MMP15: variants seen among roughly 807,000 people sequenced by gnomAD.
MMP15 encodes the protein matrix metalloproteinase-15.
MMP15 carries 36 observed loss-of-function variants against 65.0 expected under a neutral mutation model. The observed-to-expected ratio is 0.55, with a 90% CI of 0.42 to 0.73. The LOEUF (loss-of-function observed/expected upper bound fraction) is 0.73, where lower values mean the gene tolerates loss of function less well. MMP15 is among the 30% of genes least tolerant of loss of function. The probability of loss-of-function intolerance (pLI) is 0.00; values close to 1 mark genes in which losing one functional copy is unlikely to be tolerated. For synonymous variants in MMP15, 428 were observed against 410.2 expected (o/e 1.04, Z -0.52); for missense variants, 870 against 987.8 (o/e 0.88, Z 1.60).
chr16:58,026,812 G>C (rs1409374545), intron 1 of MMP15, among the ~76,000 whole-genome samples: 1 of 152,186 alleles, frequency 6.6e-6, no homozygotes, highest in Non-Finnish European at 1.5e-5. Flanking sequence ...CCCGGGAGCC[G>C]CTTCCGCCGC....
rs1963816072 is a variant in MMP15, at chr16:58,026,443, G to T, written c.93G>T (p.Pro31=). 6.9e-7 allele frequency: 1 copy of T among 1,452,234 alleles called. No homozygotes were observed. The allele number at this position is 1,452,234 out of a possible 1,614,324, so 90.0% of individuals were successfully genotyped here. The part of the protein sequence containing the change: ...REEAARPRLL[P]LLLVLLGCLG... ...AGGCGGCGCGGCCGCGACTGCTGCC[G>T]CTGCTCCTGGTGCTTCTGGGCTGCC... The change falls in exon 1 of 10, where the codon CCG becomes CCT. Residue 31 remains proline, a synonymous_variant. Coordinates refer to ENST00000219271, the MANE Select transcript of MMP15 (RefSeq NM_002428.4).
intron 3 of MMP15, 129 bp downstream of exon 3, chr16:58,038,523 C>A: frequency 8.4e-7 from 1 of 1,194,842 alleles, no homozygotes; most frequent in Non-Finnish European, 1.2e-6. Flanking sequence ...TGAGACCAGC[C>A]ACACACGCCA....
At position 58,032,112 on chromosome 16, in the gene MMP15, G is replaced by A. The variant is rs41337044; in HGVS notation, c.163-5360G>A. 2.6e-3 allele frequency among the ~76,000 whole-genome samples: 391 copies of A among 152,212 alleles called. 2 individuals carry two copies. Among genetic ancestry groups the A allele is most frequent in the Non-Finnish European group, 4.5e-3 (308 of 68,008 alleles). On this transcript the variant is annotated intron_variant, in intron 1 of 9. Coordinates refer to ENST00000219271, the MANE Select transcript of MMP15 (RefSeq NM_002428.4). The stretch of plus-strand genomic sequence containing the variant: ...AGTCTCCTGACCTCGTGATCTGCCC[G>A]CCTCGGCCTCCCAAAGTGCTGGAAT...
chr16:58,027,624 C>G (rs1270248105), intron 1 of MMP15, among the ~76,000 whole-genome samples: 1 of 152,148 alleles, frequency 6.6e-6, no homozygotes, highest in Non-Finnish European at 1.5e-5. Context: ...CGGCGGCTTT[C>G]CCACCTCTCC....
Position 58,026,250 on chromosome 16 carries a change from G to A in MMP15, c.-101G>A, listed in dbSNP as rs992581413. On this transcript the variant is annotated 5_prime_UTR_variant, in exon 1 of 10. Transcript: ENST00000219271. The stretch of plus-strand genomic sequence containing the variant: ...CGGGGACCGGGAGCCCGAGGTCCGC[G>A]GCGCGCCTGCCGGGCCAGGAGCCAG... 1.4e-4 allele frequency: 168 copies of A among 1,205,316 alleles called. 1 individual carries two copies. In the East Asian group the frequency reaches 5.0e-3, roughly 36 times the overall value. 74.7% of individuals were successfully genotyped at this position (1,205,316 alleles called of 1,614,324 possible).
Position 58,043,510 on chromosome 16 carries a change from A to T in MMP15, c.1455-2A>T. Reference sequence around the variant, plus strand: ...TCCACAGCCTGGTGCTTTTGTTCACAGGTACTGGCGCTTCAACGAGGAGAC... The same window carrying T: ...TCCACAGCCTGGTGCTTTTGTTCACTGGTACTGGCGCTTCAACGAGGAGAC... On this transcript the variant is annotated splice_acceptor_variant, in intron 8 of 9. Coordinates refer to ENST00000219271, the MANE Select transcript of MMP15 (RefSeq NM_002428.4). LOFTEE classifies it high-confidence loss of function. 6.2e-7 allele frequency: 1 copy of T among 1,613,792 alleles called. No homozygotes were observed.
rs1340137397 is a variant in MMP15, at chr16:58,045,144, C to T, written c.1708C>T (p.Pro570Ser). ...GCACGTGGAGCCAGGCCCCCGATGG[C>T]CCGACGTGGCCCGGCCGCCCTTCAA... is the stretch of plus-strand genomic sequence containing the variant. The part of the protein sequence containing the change: ...QEHVEPGPRW[P>S]DVARPPFNPH... The change falls in exon 10 of 10, where the codon CCC (proline) becomes TCC (serine). Residue 570 changes from proline to serine, a missense_variant. Pro to Ser is a moderately conservative substitution (Grantham distance 74). Transcript: ENST00000219271. 6.3e-7 allele frequency: 1 copy of T among 1,598,440 alleles called. No homozygotes were observed. Among genetic ancestry groups the T allele is most frequent in the Non-Finnish European group, 8.5e-7 (1 of 1,172,858 alleles).
chr16:58,030,775 C>A (rs1963881865), intron 1 of MMP15, among the ~76,000 whole-genome samples: 1 of 152,146 alleles, frequency 6.6e-6, no homozygotes, highest in Non-Finnish European at 1.5e-5. Flanking sequence ...CCAGAGCCTC[C>A]CTGGCAAAAT....
At chr16:58,027,159 C>T (rs1963833406) in intron 1 of MMP15, among the ~76,000 whole-genome samples, 1 of 152,228 alleles carries the variant, frequency 6.6e-6, no homozygotes, top group Non-Finnish European at 1.5e-5. Context: ...AAGGACGGAC[C>T]CTGCCTCCCA....
intron 1 of MMP15, among the ~76,000 whole-genome samples, chr16:58,033,236 C>T (rs1567428835): frequency 1.3e-5 from 2 of 152,318 alleles, no homozygotes; most frequent in South Asian, 2.1e-4. Context: ...CTGTGCTGGG[C>T]ACTGCTCCTG....
chr16:58,043,930 G>A (rs948579747), intron 9 of MMP15, among the ~76,000 whole-genome samples: 2 of 152,232 alleles, frequency 1.3e-5, no homozygotes, highest in Admixed American at 6.5e-5. Context: ...GTCCGGAGCT[G>A]GAGCTTGGAA....
At chr16:58,042,495 T>G in intron 7 of MMP15, 126 bp downstream of exon 7, 2 of 1,336,076 alleles carry the variant, frequency 1.5e-6, no homozygotes, top group Non-Finnish European at 1.0e-6. Flanking sequence ...CACTGTGGGC[T>G]CACTCTGGGA....
intron 1 of MMP15, among the ~76,000 whole-genome samples, chr16:58,030,177 CAG>C (rs998060435): frequency 6.6e-6 from 1 of 152,190 alleles, no homozygotes; most frequent in Non-Finnish European, 1.5e-5. Flanking sequence ...TCAGCAAAGA[CAG>C]AGAGGGGTTG....
In MMP15 at chr16:58,041,667, C is replaced by G. The variant is rs755753743; in HGVS notation, c.961C>G (p.Pro321Ala). Residue 321 changes from proline to alanine, a missense_variant, in exon 6 of 10, where the codon CCA (proline) becomes GCA (alanine). Pro to Ala is a conservative substitution (Grantham distance 27). Coordinates refer to ENST00000219271, the MANE Select transcript of MMP15 (RefSeq NM_002428.4). ...TACCCAGCCTCTCCCCACTGTGACG[C>G]CACGGCGGCCAGGCCGGCCTGACCA... ...QPTQPLPTVT[P>A]RRPGRPDHRP... The G allele has an allele frequency of 4.4e-6, 7 of 1,580,128 alleles. No homozygotes were observed. The Admixed American group carries it at 9.0e-5, about 20-fold the overall frequency.
At chr16:58,027,233 CCT>C (rs1963834944) in intron 1 of MMP15, among the ~76,000 whole-genome samples, 1 of 152,246 alleles carries the variant, frequency 6.6e-6, no homozygotes, top group South Asian at 2.1e-4. Context: ...GGACCCCGCG[CCT>C]CTCTTCGCTA....
At chr16:58,027,817 G>T (rs1355468648) in intron 1 of MMP15, among the ~76,000 whole-genome samples, 1 of 152,140 alleles carries the variant, frequency 6.6e-6, no homozygotes, top group Non-Finnish European at 1.5e-5. Flanking sequence ...CCAGGCCCTG[G>T]TGGGAGGCAG....
intron 2 of MMP15, 21 bp downstream of exon 2, chr16:58,037,641 A>C: frequency 6.2e-7 from 1 of 1,613,938 alleles, no homozygotes. Context: ...CCCACCATCC[A>C]CACCCCACAG....
chr16:58,028,277 C>T (rs41477045), intron 1 of MMP15, among the ~76,000 whole-genome samples: 2,106 of 152,308 alleles, frequency 0.014, 18 homozygotes, highest in Admixed American at 0.023. Context: ...TATCACAAAC[C>T]GTGCTCCTGA....
chr16:58,034,729 A>G (rs559771988), intron 1 of MMP15, among the ~76,000 whole-genome samples: 30 of 152,226 alleles, frequency 2.0e-4, no homozygotes, highest in African/African-American at 6.7e-4. Context: ...AGCTTGGCTG[A>G]TAGCGAGATG....
Sources: gnomAD v4.1 joint callset for allele counts (sites outside exome capture counted in the v4.1 genomes callset) on GRCh38, gnomAD v4.1.1 for gene constraint, MANE v1.5 for transcripts, NCBI Gene and HGNC (gene_info 2026-07-23, HGNC 2026-07-21) for gene names.